CEP192: variants seen among roughly 807,000 people sequenced by gnomAD.
The protein encoded by CEP192 is centrosomal protein of 192 kDa.
A neutral mutation model predicts 271.8 loss-of-function variants in CEP192; 151 were observed. The ratio of observed to expected loss-of-function variants is 0.56; its 90% CI spans 0.49 to 0.64. The LOEUF is 0.64. Ranked by LOEUF, CEP192 falls within the 30% of genes least tolerant of loss-of-function variation. The pLI is 0.00. For synonymous variants in CEP192, 995 were observed against 1,076.5 expected (o/e 0.92, Z 1.48); for missense variants, 2,910 against 3,020.5 (o/e 0.96, Z 0.86).
chr18:13,092,686 T>C (rs1283596549), intron 34 of CEP192, among the ~76,000 whole-genome samples, 159 bp downstream of exon 34: 5 of 152,192 alleles, frequency 3.3e-5, no homozygotes, highest in Non-Finnish European at 5.9e-5. Context: ...TTTCAAACTT[T>C]CAGGAAAGTT....
At position 13,049,066 on chromosome 18, in the gene CEP192, T is replaced by A; in HGVS notation, c.2275T>A (p.Tyr759Asn). ...TCAGGAAGATGAGAAACAAAAGGAC[T>A]ATTCTCATGTGCGTCATTTCTTACC... ...TFQEDEKQKDYSHVRHFLPND... is the reference protein window; with the variant it reads ...TFQEDEKQKDNSHVRHFLPND... Residue 759 changes from tyrosine (Y) to asparagine (N), a missense_variant, in exon 16 of 45, where the codon TAT becomes AAT. Physicochemically the swap from Tyr to Asn is moderately radical, Grantham distance 143. Transcript: ENST00000506447. The A allele has an allele frequency of 6.2e-7, 1 of 1,613,972 alleles. No homozygotes were observed.
intron 15 of CEP192, among the ~76,000 whole-genome samples, chr18:13,048,229 G>A (rs2036583477): frequency 6.6e-6 from 1 of 152,166 alleles, no homozygotes; most frequent in African/African-American, 2.4e-5. Context: ...TCTTAGTAGC[G>A]TGATGAAATC....
At chr18:13,040,783 A>G (rs924488946) in intron 13 of CEP192, 47 bp from the exon 14 acceptor site, 2 of 1,471,194 alleles carry the variant, frequency 1.4e-6, no homozygotes, top group Non-Finnish European at 9.3e-7. Flanking sequence ...GAATTTCTCA[A>G]AGCAGTTGAA....
chr18:13,069,209 G>T (rs761525560), intron 26 of CEP192, 28 bp downstream of exon 26: 1 of 1,573,584 alleles, frequency 6.4e-7, no homozygotes, highest in African/African-American at 1.3e-5. Flanking sequence ...AGTGCCATAA[G>T]ATAGTCTTTC....
At chr18:13,055,735 TAA>T (rs760494630) in intron 18 of CEP192, 43 bp from the exon 19 acceptor site, 2 of 1,271,536 alleles carry the variant, frequency 1.6e-6, no homozygotes, top group Non-Finnish European at 2.2e-6. Context: ...TTTGTTATAT[TAA>T]GTTTATCTGT....
intron 11 of CEP192, among the ~76,000 whole-genome samples, chr18:13,032,742 C>T (rs1279743577): frequency 6.6e-6 from 1 of 152,198 alleles, no homozygotes; most frequent in Non-Finnish European, 1.5e-5. Flanking sequence ...CTCAAATTCC[C>T]ATTAGCAGTG....
Position 13,105,076 on chromosome 18 carries a change from A to C in CEP192, c.7044A>C (p.Gln2348His), listed in dbSNP as rs781503406. The C allele has an allele frequency of 3.7e-6, 6 of 1,610,672 alleles. No individual in the cohort carries two copies. Among genetic ancestry groups the C allele is most frequent in the Middle Eastern group, 1.7e-4 (1 of 6,056 alleles). Residue 2348 changes from glutamine (Q) to histidine (H), a missense_variant, in exon 40 of 45, where the codon CAA (glutamine) becomes CAC (histidine). Coordinates refer to ENST00000506447, the MANE Select transcript of CEP192 (RefSeq NM_032142.4). ...ISGLLESHGI[Q>H]KVSITFLPRG... ...GTCTGCTGGAAAGCCATGGGATCCAAAAAGTAGGTTTTGATATTTTTTTCC... is the reference window on the plus strand; with the variant it reads ...GTCTGCTGGAAAGCCATGGGATCCACAAAGTAGGTTTTGATATTTTTTTCC...
intron 11 of CEP192, among the ~76,000 whole-genome samples, chr18:13,035,962 T>A (rs2035894111): frequency 6.6e-6 from 1 of 151,838 alleles, no homozygotes; most frequent in African/African-American, 2.4e-5. Context: ...ATGGGCAACA[T>A]GGCAAAACCC....
At position 13,124,943 on chromosome 18, in the gene CEP192, GC is replaced by G. The variant is rs906946280; in HGVS notation, c.*176del. ...ACTCGACTGAAATATTATGTATCTAGCCCATAGTATTGTACTTAACTTTTAC... is the reference window on the plus strand; with the variant it reads ...ACTCGACTGAAATATTATGTATCTAGCCATAGTATTGTACTTAACTTTTAC... On this transcript the variant is annotated 3_prime_UTR_variant, in exon 45 of 45. Transcript: ENST00000506447. The G allele has an allele frequency of 7.3e-6, 4 of 545,942 alleles. No individual in the cohort carries two copies. The Admixed American group carries it at 1.2e-4, about 17-fold the overall frequency. 33.8% of individuals were successfully genotyped at this position (545,942 alleles called of 1,614,324 possible).
At position 13,091,561 on chromosome 18, in the gene CEP192, C is replaced by T. The variant is rs187763314; in HGVS notation, c.6104-816C>T. Among the ~76,000 whole-genome samples the T allele has an allele frequency of 1.4e-3, 209 of 152,204 alleles. 1 individual carries two copies. The Middle Eastern group carries it at 0.02, about 15-fold the overall frequency. ...ATTCCAAGGATTTGTAACAATCTTG[C>T]TTTTACAAAATGTGTAATTTGTGGC... On this transcript the variant is annotated intron_variant, in intron 33 of 44. Coordinates refer to ENST00000506447, the MANE Select transcript of CEP192 (RefSeq NM_032142.4).
At chr18:13,103,675 A>C in intron 39 of CEP192, 87 bp downstream of exon 39, 1 of 1,043,718 alleles carries the variant, frequency 9.6e-7, no homozygotes. Context: ...GCATAGGTTG[A>C]TATTACTGGT....
chr18:13,124,255 A>G (rs2040804846), intron 44 of CEP192, among the ~76,000 whole-genome samples: 1 of 152,178 alleles, frequency 6.6e-6, no homozygotes, highest in Non-Finnish European at 1.5e-5. Flanking sequence ...CCAGTGCAAT[A>G]TGCTGTCTGG....
chr18:13,068,370 T>C lies in CEP192; in HGVS notation c.4770T>C (p.Phe1590=). 6.2e-7 allele frequency: 1 copy of C among 1,612,664 alleles called. No individual in the cohort carries two copies. The highest frequency in any genetic ancestry group is 1.1e-5 in the South Asian group (1 of 90,680). Residue 1590 remains phenylalanine, a synonymous_variant, in exon 24 of 45, where the codon TTT becomes TTC. Coordinates refer to ENST00000506447, the MANE Select transcript of CEP192 (RefSeq NM_032142.4). ...TTTTAATTTTATAGGATCCAGAATT[T>C]CTGATGATTTGGGTTCTTTTCCATA... ...PASYDGQDPE[F]LMIWVLFHSP... is the part of the protein sequence containing the mutation.
chr18:13,117,585 CT>C lies in CEP192; in HGVS notation c.7418del (p.Leu2473ArgfsTer4), dbSNP rs1215750750. ...TAAAGTGTCTTCTATTAAATTCCAG[CT>C]GAAGTTTTTGAGTCCCAGAGAGCCA... ...LRNNSFITHS[L>X]KFLSPREPFY... On this transcript the variant is annotated frameshift_variant and splice_region_variant, in exon 44 of 45. Transcript: ENST00000506447. LOFTEE classifies it high-confidence loss of function. 2 of 1,606,306 alleles carry C rather than the reference CT, an allele frequency of 1.2e-6. No individual in the cohort carries two copies. Among genetic ancestry groups the C allele is most frequent in the Non-Finnish European group, 1.7e-6 (2 of 1,173,136 alleles).
At chr18:13,024,630 T>C (rs1317934239) in intron 9 of CEP192, among the ~76,000 whole-genome samples, 1 of 151,776 alleles carries the variant, frequency 6.6e-6, no homozygotes, top group Non-Finnish European at 1.5e-5. Flanking sequence ...GCCCAGCTAA[T>C]TTTTGTATTT....
chr18:13,060,725 C>T (rs2037364127), intron 21 of CEP192, among the ~76,000 whole-genome samples: 1 of 151,968 alleles, frequency 6.6e-6, no homozygotes, highest in South Asian at 2.1e-4. Context: ...GAGTTCGAGA[C>T]CAGCCTGGAC....
At chr18:13,092,862 C>A (rs2039213705) in intron 34 of CEP192, among the ~76,000 whole-genome samples, 1 of 152,082 alleles carries the variant, frequency 6.6e-6, no homozygotes, top group East Asian at 1.9e-4. Flanking sequence ...TTCCTAAAAA[C>A]ACTCTCCTAC....
intron 44 of CEP192, among the ~76,000 whole-genome samples, chr18:13,123,996 C>G (rs2040791711): frequency 2.0e-5 from 3 of 152,122 alleles, no homozygotes; most frequent in African/African-American, 7.2e-5. Context: ...CCCGCCTCTA[C>G]TAAAAATACA....
rs1430870358 is a variant in CEP192, at chr18:13,049,693, A to G, written c.2890+12A>G. 2 of 1,604,720 alleles carry G rather than the reference A, an allele frequency of 1.2e-6. No individual in the cohort carries two copies. Among genetic ancestry groups the G allele is most frequent in the Non-Finnish European group, 1.7e-6 (2 of 1,174,942 alleles). ...ACCTAAAAATAGTGGTAAGTGTCTG[A>G]GTCGTTGGTCACATTCATAAAATTA... On this transcript the variant is annotated intron_variant, in intron 16 of 44. Transcript: ENST00000506447.
Sources: allele counts gnomAD v4.1 joint callset (sites outside exome capture counted in the v4.1 genomes callset), GRCh38; gene constraint gnomAD v4.1.1; transcripts MANE v1.5; gene names NCBI Gene and HGNC (gene_info 2026-07-23, HGNC 2026-07-21).